The following KIF21A variants were observed in gnomAD, a reference collection of about 807,000 sequenced individuals.
KIF21A encodes kinesin family member 21A, also known as kinesin-like protein KIF21A.
KIF21A carries 114 observed loss-of-function variants against 202.9 expected under a neutral mutation model. That is an observed-to-expected ratio of 0.56 (90% CI 0.48 to 0.66). The LOEUF (loss-of-function observed/expected upper bound fraction) is 0.66, where lower values mean the gene tolerates loss of function less well. Among genes scored for constraint, KIF21A ranks in the 30% least tolerant of loss-of-function variants. The pLI, the probability that KIF21A is intolerant of heterozygous loss-of-function variation, is 0.00. For synonymous variants in KIF21A, 667 were observed against 670.8 expected (o/e 0.99, Z 0.09); for missense variants, 1,677 against 1,994.9 (o/e 0.84, Z 3.04).
At chr12:39,337,229 T>C (rs763300638) in intron 16 of KIF21A, 26 bp from the exon 17 acceptor site, 5 of 1,363,260 alleles carry the variant, frequency 3.7e-6, no homozygotes, top group Non-Finnish European at 5.2e-6. Flanking sequence ...TAGACATCTA[T>C]TGAAATTACT....
intron 1 of KIF21A, among the ~76,000 whole-genome samples, chr12:39,370,869 G>A (rs1392141668): frequency 6.6e-6 from 1 of 151,662 alleles, no homozygotes; most frequent in Non-Finnish European, 1.5e-5. Flanking sequence ...GTCATATATT[G>A]AAATACTGTC....
chr12:39,412,655 T>C (rs532869085), intron 1 of KIF21A, among the ~76,000 whole-genome samples: 11 of 152,178 alleles, frequency 7.2e-5, no homozygotes, highest in African/African-American at 2.4e-4. Flanking sequence ...AAAATGAAGG[T>C]TGCAGCGAGC....
In KIF21A at chr12:39,310,511, C is replaced by A. The variant is rs138925230; in HGVS notation, c.4097-745G>T. On this transcript the variant is annotated intron_variant, in intron 32 of 37. Coordinates refer to ENST00000361418, the MANE Select transcript of KIF21A (RefSeq NM_001173464.2). Reference sequence around the variant, plus strand: ...CTAGCTCCCTGAATTCCTGTACATGCTTGCTTTTCACCTTTCTAGCCTCAA... The same window carrying A: ...CTAGCTCCCTGAATTCCTGTACATGATTGCTTTTCACCTTTCTAGCCTCAA... Among the ~76,000 whole-genome samples, 386 of 152,124 alleles carry A rather than the reference C, an allele frequency of 2.5e-3. 1 individual carries two copies. Among genetic ancestry groups the A allele is most frequent in the South Asian group, 0.012 (57 of 4,826 alleles).
rs367548492 is a variant in KIF21A, at chr12:39,385,241, C to T, written c.45-14980G>A. ...GAATGAAGAATCAGTTATGTGAAGG[C>T]AGTGGGCTGAGGAAGCAACCACTGA... On this transcript the variant is annotated intron_variant, in intron 1 of 37. Transcript: ENST00000361418. Among the ~76,000 whole-genome samples the T allele has an allele frequency of 2.0e-3, 309 of 152,028 alleles. 4 individuals carry two copies. Among genetic ancestry groups the T allele is most frequent in the African/African-American group, 7.2e-3 (297 of 41,470 alleles).
chr12:39,302,631 T>C (rs949376422), intron 36 of KIF21A, among the ~76,000 whole-genome samples: 1 of 152,188 alleles, frequency 6.6e-6, no homozygotes, highest in Non-Finnish European at 1.5e-5. Context: ...TTGGAATAGG[T>C]GTACATAAAC....
chr12:39,301,522 T>C lies in KIF21A; in HGVS notation c.4889A>G (p.Asn1630Ser), dbSNP rs748809944. ...GEMKGHDSPINAICVNSTHIF... is the reference protein window; with the variant it reads ...GEMKGHDSPISAICVNSTHIF... ...GTGGGTGGAATTAACACATATGGCA[T>C]TGATAGGACTATCATGACCCTTCAT... Residue 1630 changes from asparagine (N) to serine (S), a missense_variant, in exon 37 of 38, where the codon AAT becomes AGT. Asn to Ser is a conservative substitution (Grantham distance 46). Coordinates refer to ENST00000361418, the MANE Select transcript of KIF21A (RefSeq NM_001173464.2). 22 of 1,614,016 alleles carry C rather than the reference T, an allele frequency of 1.4e-5. No homozygotes were observed. The highest frequency in any genetic ancestry group is 8.3e-5 in the Admixed American group (5 of 59,996).
intron 1 of KIF21A, among the ~76,000 whole-genome samples, chr12:39,435,767 T>G (rs940166634): frequency 6.6e-6 from 1 of 150,708 alleles, no homozygotes; most frequent in African/African-American, 2.4e-5. Flanking sequence ...AGAACCAAAG[T>G]GGGAGGAAGC....
intron 11 of KIF21A, 45 bp from the exon 12 acceptor site, chr12:39,346,549 G>A: frequency 1.5e-6 from 2 of 1,334,086 alleles, no homozygotes; most frequent in South Asian, 2.0e-5. Context: ...AGCCAATGAA[G>A]GACAAACCAG....
At chr12:39,338,071 TAAG>T (rs1414480971) in intron 16 of KIF21A, among the ~76,000 whole-genome samples, 19 of 152,150 alleles carry the variant, frequency 1.2e-4, no homozygotes. Flanking sequence ...AGAAGATATT[TAAG>T]AAGAAGGCAT....
intron 1 of KIF21A, among the ~76,000 whole-genome samples, chr12:39,406,622 C>T (rs1396144723): frequency 1.3e-5 from 2 of 152,210 alleles, no homozygotes; most frequent in African/African-American, 4.8e-5. Flanking sequence ...TGTGTATCAT[C>T]TAACTTGGCA....
chr12:39,322,330 T>C (rs1182728744), intron 27 of KIF21A: 1 of 193,412 alleles, frequency 5.2e-6, no homozygotes, highest in Non-Finnish European at 1.0e-5. Flanking sequence ...TGTTTATACA[T>C]AATAGTTATA....
intron 7 of KIF21A, 73 bp downstream of exon 7, chr12:39,363,025 A>G: frequency 1.0e-6 from 1 of 995,212 alleles, no homozygotes. Context: ...AGTAGTTCTT[A>G]TAAATCATCT....
In KIF21A at chr12:39,423,595, T is replaced by A. The variant is rs563405232; in HGVS notation, c.44+19332A>T. Among the ~76,000 whole-genome samples, 138 of 150,930 alleles carry A rather than the reference T, an allele frequency of 9.1e-4. 1 individual carries two copies. Among genetic ancestry groups the A allele is most frequent in the African/African-American group, 3.2e-3 (132 of 41,172 alleles). On this transcript the variant is annotated intron_variant, in intron 1 of 37. Transcript: ENST00000361418. ...CTGGGCGCCGTGGCTCACGCTGTAG[T>A]CTCAGCACTTTGGGAGGCAGAGGCT... is the stretch of plus-strand genomic sequence containing the variant.
intron 1 of KIF21A, among the ~76,000 whole-genome samples, chr12:39,397,662 TC>T (rs1489578307): frequency 6.6e-6 from 1 of 152,240 alleles, no homozygotes; most frequent in Non-Finnish European, 1.5e-5. Context: ...AAATTCAGGT[TC>T]CTGAGCCTCA....
At chr12:39,320,911 GGCAACAGA>G (rs1218183061) in intron 27 of KIF21A, among the ~76,000 whole-genome samples, 2 of 126,120 alleles carry the variant, frequency 1.6e-5, no homozygotes, top group African/African-American at 6.2e-5. Context: ...CTCCAGTCTG[GGCAACAGA>G]GCAAGACTCT....
chr12:39,411,475 G>A (rs1953073553), intron 1 of KIF21A, among the ~76,000 whole-genome samples: 1 of 152,168 alleles, frequency 6.6e-6, no homozygotes, highest in Admixed American at 6.5e-5. Flanking sequence ...CACATTGTAA[G>A]CAATTTAATA....
At chr12:39,409,492 C>A (rs1592605940) in intron 1 of KIF21A, among the ~76,000 whole-genome samples, 1 of 147,280 alleles carries the variant, frequency 6.8e-6, no homozygotes. Context: ...CACTGAACTC[C>A]AGCTTGAGTG....
intron 36 of KIF21A, among the ~76,000 whole-genome samples, chr12:39,302,369 G>C (rs1943043293): frequency 2.6e-5 from 4 of 152,216 alleles, no homozygotes; most frequent in African/African-American, 9.6e-5. Flanking sequence ...CAGGAAAGTG[G>C]AAGCAACTAC....
chr12:39,434,606 AC>A (rs1356216281), intron 1 of KIF21A, among the ~76,000 whole-genome samples: 1 of 152,232 alleles, frequency 6.6e-6, no homozygotes, highest in African/African-American at 2.4e-5. Flanking sequence ...CAGTTTTCTA[AC>A]CATGCAATGC....
Sources: allele counts gnomAD v4.1 joint callset (sites outside exome capture counted in the v4.1 genomes callset), GRCh38; gene constraint gnomAD v4.1.1; transcripts MANE v1.5; gene names NCBI Gene and HGNC (gene_info 2026-07-23, HGNC 2026-07-21).